Variants in COL4A6 observed in about 807,000 individuals in gnomAD.
The protein encoded by COL4A6 is collagen type IV alpha 6 chain.
Under a neutral mutation model 126.7 loss-of-function variants are expected in COL4A6, and 59 were observed. The ratio of observed to expected loss-of-function variants is 0.47; its 90% CI spans 0.38 to 0.58. COL4A6 has a LOEUF of 0.58. Among genes scored for constraint, COL4A6 ranks in the 20% least tolerant of loss-of-function variants. COL4A6 has a pLI of 0.00. For synonymous variants in COL4A6, 547 were observed against 496.6 expected, an observed-to-expected ratio of 1.10 and a Z score of -1.35; for missense variants, 1,285 against 1,337.3, an observed-to-expected ratio of 0.96 and a Z score of 0.61.
intron 2 of COL4A6, among the ~76,000 whole-genome samples, chrX:108,318,796 T>G (rs965339228): frequency 1.8e-5 from 2 of 112,572 alleles, no homozygotes; most frequent in African/African-American, 6.5e-5. Context: ...ACGGCCATAC[T>G]GCCCAAGGCA....
At chrX:108,233,204 G>A (rs999998791) in intron 3 of COL4A6, among the ~76,000 whole-genome samples, 1 of 112,100 alleles carries the variant, frequency 8.9e-6, no homozygotes, top group African/African-American at 3.2e-5. Flanking sequence ...AGTGAAACAG[G>A]ACTTGCCAGA....
At chrX:108,323,853 T>C (rs1195601260) in intron 2 of COL4A6, among the ~76,000 whole-genome samples, 1 of 112,033 alleles carries the variant, frequency 8.9e-6, no homozygotes, top group Non-Finnish European at 1.9e-5. Flanking sequence ...AGTTTTCCAA[T>C]AAAAATACTC....
intron 3 of COL4A6, among the ~76,000 whole-genome samples, chrX:108,273,801 T>C (rs1156877449): frequency 8.9e-6 from 1 of 112,366 alleles, no homozygotes; most frequent in African/African-American, 3.2e-5. Flanking sequence ...GTGTCCCACA[T>C]TTTACTGCTG....
At chrX:108,178,090 T>A (rs1272921176) in intron 27 of COL4A6, among the ~76,000 whole-genome samples, 1 of 112,261 alleles carries the variant, frequency 8.9e-6, no homozygotes, top group Non-Finnish European at 1.9e-5. Context: ...ATAACTCAGC[T>A]TCAGTCACTA....
chrX:108,294,412 TTG>T (rs1374034605), intron 3 of COL4A6, among the ~76,000 whole-genome samples: 8 of 87,147 alleles, frequency 9.2e-5, no homozygotes, highest in East Asian at 8.2e-4. Context: ...TTTTTTTTTT[TTG>T]GTGTGTGTGT....
chrX:108,342,884 T>C (rs898024364), intron 2 of COL4A6, among the ~76,000 whole-genome samples: 2 of 109,053 alleles, frequency 1.8e-5, no homozygotes, highest in East Asian at 2.9e-4. Context: ...TGAGAGTGCC[T>C]GGTATGTGTT....
At chrX:108,359,787 G>C (rs997233279) in intron 2 of COL4A6, among the ~76,000 whole-genome samples, 1 of 112,229 alleles carries the variant, frequency 8.9e-6, no homozygotes, top group African/African-American at 3.2e-5. Context: ...GAAAGTTAAA[G>C]TATAGGGGCT....
Position 108,310,740 on chromosome X carries a change from C to T in COL4A6, c.144+8G>A. On this transcript the variant is annotated splice_region_variant and intron_variant, in intron 3 of 44. Coordinates refer to ENST00000334504, the MANE Select transcript of COL4A6 (RefSeq NM_033641.4). ...ATTTGTCTTTCAACAATGAAATAAG[C>T]AACTTACTCTCGCTCCTTTCTCAGG... 1 of 1,200,955 alleles carries T rather than the reference C, an allele frequency of 8.3e-7. No individual in the cohort carries two copies.
intron 15 of COL4A6, among the ~76,000 whole-genome samples, chrX:108,194,862 T>C (rs139522172): frequency 8.9e-6 from 1 of 111,771 alleles, no homozygotes; most frequent in African/African-American, 3.2e-5. Context: ...CAAAGATGTA[T>C]GACCACAGCA....
rs935152563 is a variant in COL4A6, at chrX:108,184,366, A to T, written c.1951+2730T>A. Among the ~76,000 whole-genome samples, 4 of 112,409 alleles carry T rather than the reference A, an allele frequency of 3.6e-5. No individual in the cohort carries two copies. In the South Asian group the frequency reaches 1.1e-3, roughly 32 times the overall value. On this transcript the variant is annotated intron_variant, in intron 23 of 44. Transcript: ENST00000334504. The stretch of plus-strand genomic sequence containing the variant: ...GTTTGAATATGATTTGTCTCCACCA[A>T]AACTCATGTTGAGACTTGGTTTCCA...
intron 14 of COL4A6, among the ~76,000 whole-genome samples, chrX:108,195,891 CAT>C (rs1301771495): frequency 1.8e-5 from 2 of 111,955 alleles, no homozygotes; most frequent in Non-Finnish European, 3.8e-5. Flanking sequence ...TACTAAACTT[CAT>C]AGTCAACTTA....
chrX:108,255,474 A>C (rs1222218858), intron 3 of COL4A6, among the ~76,000 whole-genome samples: 5 of 111,273 alleles, frequency 4.5e-5, no homozygotes, highest in Non-Finnish European at 9.5e-5. Context: ...TCAGTGGCAA[A>C]ATATACTTTT....
At chrX:108,373,940 G>T (rs1379641158) in intron 2 of COL4A6, among the ~76,000 whole-genome samples, 2 of 111,930 alleles carry the variant, frequency 1.8e-5, no homozygotes, top group Non-Finnish European at 3.8e-5. Context: ...TTGTCTCCTT[G>T]CAAAAAACAC....
intron 2 of COL4A6, among the ~76,000 whole-genome samples, chrX:108,415,511 A>T (rs1460366769): frequency 1.8e-5 from 2 of 112,134 alleles, no homozygotes; most frequent in Non-Finnish European, 3.8e-5. Context: ...TAATATCATT[A>T]AGCCTCAGTC....
intron 10 of COL4A6, 70 bp from the exon 11 acceptor site, chrX:108,205,550 A>G (rs1195895455): frequency 6.7e-5 from 75 of 1,118,205 alleles, no homozygotes; most frequent in Non-Finnish European, 8.8e-5. Context: ...CTTAAATTGG[A>G]ATGCAATCTT....
At chrX:108,414,525 A>T (rs750322189) in intron 2 of COL4A6, among the ~76,000 whole-genome samples, 18 of 109,520 alleles carry the variant, frequency 1.6e-4, no homozygotes, top group Non-Finnish European at 7.6e-5. Context: ...CATGCCTGTA[A>T]TCTCAGCACT....
chrX:108,423,497 C>T (rs1338625356), intron 2 of COL4A6, among the ~76,000 whole-genome samples: 1 of 111,896 alleles, frequency 8.9e-6, no homozygotes, highest in Non-Finnish European at 1.9e-5. Flanking sequence ...AAGATGACTT[C>T]CTCAAGTAGA....
rs753046729 is a variant in COL4A6, at chrX:108,242,985, G to A, written c.145-21611C>T. Among the ~76,000 whole-genome samples, 3 of 111,571 alleles carry A rather than the reference G, an allele frequency of 2.7e-5. No individual in the cohort carries two copies. In the Admixed American group the frequency reaches 2.8e-4, roughly 11 times the overall value. On this transcript the variant is annotated intron_variant, in intron 3 of 44. Coordinates refer to ENST00000334504, the MANE Select transcript of COL4A6 (RefSeq NM_033641.4). The stretch of plus-strand genomic sequence containing the variant: ...AGAAGACTCTCTAGATTAGAAACAT[G>A]CTAGATACTCTCAATCAGTTCTTCT...
At chrX:108,427,813 T>C (rs1014365205) in intron 2 of COL4A6, among the ~76,000 whole-genome samples, 2 of 112,106 alleles carry the variant, frequency 1.8e-5, no homozygotes, top group Non-Finnish European at 3.8e-5. Context: ...GATAAAAAAC[T>C]TAAATTAAAG....
Sources: allele counts gnomAD v4.1 joint callset (sites outside exome capture counted in the v4.1 genomes callset), GRCh38; gene constraint gnomAD v4.1.1; transcripts MANE v1.5; gene names NCBI Gene and HGNC (gene_info 2026-07-23, HGNC 2026-07-21).